The following NTRK3 variants were observed in gnomAD, a reference collection of about 807,000 sequenced individuals.
NTRK3 encodes the protein NT-3 growth factor receptor.
Under a neutral mutation model 91.7 loss-of-function variants are expected in NTRK3, and 24 were observed. The observed-to-expected ratio is 0.26, with a 90% CI of 0.19 to 0.37. The LOEUF (loss-of-function observed/expected upper bound fraction) is 0.37, where lower values mean the gene tolerates loss of function less well. Among genes scored for constraint, NTRK3 ranks in the 10% least tolerant of loss-of-function variants. The pLI, the probability that NTRK3 is intolerant of heterozygous loss-of-function variation, is 1.00. For synonymous variants in NTRK3, 483 were observed against 404.0 expected (o/e 1.20, Z -2.34); for missense variants, 880 against 1,068.9 (o/e 0.82, Z 2.46).
At chr15:87,892,661 A>C (rs1314048761) in intron 17 of NTRK3, among the ~76,000 whole-genome samples, 2 of 152,106 alleles carry the variant, frequency 1.3e-5, no homozygotes, top group Non-Finnish European at 2.9e-5. Context: ...AGTAATCATA[A>C]TGATAACTCA....
chr15:87,937,920 A>C (rs573097408), intron 15 of NTRK3, among the ~76,000 whole-genome samples: 1 of 152,206 alleles, frequency 6.6e-6, no homozygotes, highest in Admixed American at 6.5e-5. Context: ...TTCATGAATC[A>C]GAAGACCACT....
chr15:87,958,860 A>G (rs2071946531), intron 14 of NTRK3, among the ~76,000 whole-genome samples: 1 of 152,058 alleles, frequency 6.6e-6, no homozygotes, highest in South Asian at 2.1e-4. Context: ...AAAAAACTGT[A>G]AAGTAGGAAC....
In NTRK3 at chr15:88,101,667, T is replaced by C. The variant is rs371671245; in HGVS notation, c.1396+24604A>G. On this transcript the variant is annotated intron_variant, in intron 13 of 18. Transcript: ENST00000394480. ...ATTAAGAAAATGTGGCACATATACA[T>C]CATGGAATACTATGCAGCCATAAAA... Among the ~76,000 whole-genome samples the C allele has an allele frequency of 1.3e-4, 20 of 152,228 alleles. 1 individual carries two copies. The highest frequency in any genetic ancestry group is 5.8e-4 in the East Asian group (3 of 5,176).
intron 5 of NTRK3, among the ~76,000 whole-genome samples, chr15:88,148,891 T>C (rs967837219): frequency 6.6e-6 from 1 of 151,926 alleles, no homozygotes; most frequent in Non-Finnish European, 1.5e-5. Flanking sequence ...TTCTATTGGA[T>C]TGGATTTTGG....
intron 3 of NTRK3, among the ~76,000 whole-genome samples, chr15:88,225,698 A>T (rs1281504149): frequency 2.0e-5 from 3 of 152,126 alleles, no homozygotes; most frequent in Non-Finnish European, 4.4e-5. Flanking sequence ...CCCTCTTCTG[A>T]CAGTGCTGAT....
At chr15:87,965,769 G>C (rs2072734459) in intron 14 of NTRK3, among the ~76,000 whole-genome samples, 1 of 152,176 alleles carries the variant, frequency 6.6e-6, no homozygotes, top group African/African-American at 2.4e-5. Context: ...TCAATATCAT[G>C]ATTCAGTATT....
In NTRK3 at chr15:88,011,692, C is replaced by T. The variant is rs982663061; in HGVS notation, c.1585+21165G>A. ...TGAATTACGTCAGCACAATAGGACACCAGCTTCTACATGGGGAGACACTTC... is the reference window on the plus strand; with the variant it reads ...TGAATTACGTCAGCACAATAGGACATCAGCTTCTACATGGGGAGACACTTC... On this transcript the variant is annotated intron_variant, in intron 14 of 18. Transcript: ENST00000394480. 6.6e-5 allele frequency among the ~76,000 whole-genome samples: 10 copies of T among 152,150 alleles called. No homozygotes were observed. The East Asian group carries it at 1.7e-3, about 26-fold the overall frequency.
In NTRK3 at chr15:88,007,071, G is replaced by C. The variant is rs557520468; in HGVS notation, c.1585+25786C>G. On this transcript the variant is annotated intron_variant, in intron 14 of 18. Coordinates refer to ENST00000394480, the Ensembl canonical transcript of NTRK3. ...TTTAGTACAAAAATGAAAAAACCTA[G>C]CGTGAGGAGAGACATGACCCCCGGC... Among the ~76,000 whole-genome samples, 6 of 152,252 alleles carry C rather than the reference G, an allele frequency of 3.9e-5. No individual in the cohort carries two copies. The South Asian group carries it at 1.2e-3, about 32-fold the overall frequency.
intron 5 of NTRK3, 106 bp from the exon 6 acceptor site, chr15:88,147,509 CT>C: frequency 8.6e-6 from 1 of 116,046 alleles, no homozygotes; most frequent in Non-Finnish European, 1.4e-5. Flanking sequence ...TGTTTTCCTT[CT>C]TCTTCTTCTT....
chr15:88,141,351 G>A (rs574794074), intron 6 of NTRK3, among the ~76,000 whole-genome samples: 2 of 152,260 alleles, frequency 1.3e-5, no homozygotes, highest in East Asian at 1.9e-4. Flanking sequence ...ATTTCTTCAC[G>A]TAACCCTCAT....
chr15:88,199,581 T>C (rs145330133), intron 3 of NTRK3, among the ~76,000 whole-genome samples: 113 of 152,276 alleles, frequency 7.4e-4, no homozygotes, highest in African/African-American at 2.6e-3. Context: ...AGTCCCATAG[T>C]GGGGCAGGAC....
chr15:88,135,914 C>G (rs1179110051), exon 9 of NTRK3: 2 of 1,614,032 alleles, frequency 1.2e-6, no homozygotes, highest in Admixed American at 3.3e-5. Flanking sequence ...ACAGTGAGGG[C>G]AACACTGGCA....
chr15:88,122,603 G>C (rs1383798723), intron 13 of NTRK3, among the ~76,000 whole-genome samples: 3 of 152,150 alleles, frequency 2.0e-5, no homozygotes, highest in African/African-American at 7.2e-5. Context: ...TCTAGGTGGA[G>C]GGAATATGGG....
chr15:88,160,391 A>C (rs1293550728), intron 5 of NTRK3, among the ~76,000 whole-genome samples: 2 of 152,214 alleles, frequency 1.3e-5, no homozygotes, highest in Non-Finnish European at 2.9e-5. Context: ...ACCTTAGCTT[A>C]GTGCCTGAGG....
chr15:88,181,615 C>T (rs1015347851), intron 5 of NTRK3, among the ~76,000 whole-genome samples: 5 of 152,216 alleles, frequency 3.3e-5, no homozygotes, highest in African/African-American at 9.6e-5. Context: ...AATACGACCT[C>T]GCACCACAAG....
At chr15:88,105,297 C>A (rs2050584196) in intron 13 of NTRK3, among the ~76,000 whole-genome samples, 1 of 152,126 alleles carries the variant, frequency 6.6e-6, no homozygotes, top group Admixed American at 6.5e-5. Context: ...TTTAACGTGT[C>A]AGAGATGACT....
intron 13 of NTRK3, among the ~76,000 whole-genome samples, chr15:88,048,455 T>A (rs1438257780): frequency 4.6e-5 from 7 of 152,132 alleles, no homozygotes; most frequent in Non-Finnish European, 8.8e-5. Context: ...TTGAGCCCCA[T>A]CACTTAATGC....
intron 3 of NTRK3, among the ~76,000 whole-genome samples, chr15:88,230,644 C>A (rs374021889): frequency 1.6e-4 from 24 of 152,274 alleles, no homozygotes; most frequent in African/African-American, 5.5e-4. Flanking sequence ...CTCCTATTAG[C>A]TTGCAGTATA....
At position 88,034,113 on chromosome 15, in the gene NTRK3, T is replaced by C. The variant is rs544434042; in HGVS notation, c.1397-1068A>G. On this transcript the variant is annotated intron_variant, in intron 13 of 18. Transcript: ENST00000394480. ...TCCCAGGGGAGTATCCTCTATCTTTTACTGCACTCAGCCATCAACCCTCCC... is the reference window on the plus strand; with the variant it reads ...TCCCAGGGGAGTATCCTCTATCTTTCACTGCACTCAGCCATCAACCCTCCC... Among the ~76,000 whole-genome samples the C allele has an allele frequency of 2.6e-5, 4 of 152,282 alleles. No homozygotes were observed. In the South Asian group the frequency reaches 8.3e-4, roughly 32 times the overall value.
Sources: gnomAD v4.1 joint callset for allele counts (sites outside exome capture counted in the v4.1 genomes callset) on GRCh38, gnomAD v4.1.1 for gene constraint, MANE v1.5 for transcripts, NCBI Gene and HGNC (gene_info 2026-07-23, HGNC 2026-07-21) for gene names.